STK17B: variants seen among roughly 807,000 people sequenced by gnomAD.
STK17B encodes the protein serine/threonine kinase 17b, also known as serine/threonine-protein kinase 17B.
A neutral mutation model predicts 42.0 loss-of-function variants in STK17B; 21 were observed. The observed-to-expected ratio is 0.50, with a 90% confidence interval of 0.35 to 0.72. STK17B has a LOEUF of 0.72. Among genes scored for constraint, STK17B ranks in the 30% least tolerant of loss-of-function variants. The pLI, the probability that STK17B is intolerant of heterozygous loss-of-function variation, is 0.00. For synonymous variants in STK17B, 143 were observed against 148.4 expected, an observed-to-expected ratio of 0.96 and a Z score of 0.26; for missense variants, 349 against 446.0, an observed-to-expected ratio of 0.78 and a Z score of 1.96.
chr2:196,147,425 G>A (rs916948488), intron 3 of STK17B, among the ~76,000 whole-genome samples: 1 of 151,984 alleles, frequency 6.6e-6, no homozygotes, highest in Admixed American at 6.6e-5. Context: ...ACTGCCAAGA[G>A]GAAAAAATAT....
intron 5 of STK17B, among the ~76,000 whole-genome samples, chr2:196,142,821 G>C (rs181715174): frequency 6.6e-6 from 1 of 152,272 alleles, no homozygotes; most frequent in Non-Finnish European, 1.5e-5. Context: ...CATCTGTTCT[G>C]TTTAACTGTA....
intron 1 of STK17B, among the ~76,000 whole-genome samples, chr2:196,164,036 C>CTTAATAAATAAATAAA (rs368762428): frequency 2.0e-5 from 2 of 101,356 alleles, no homozygotes; most frequent in East Asian, 2.1e-4. Flanking sequence ...GAGATCTTAT[C>CTTAATAAATAAATAAA]TCAATAAATA....
intron 7 of STK17B, among the ~76,000 whole-genome samples, chr2:196,138,968 A>C (rs1699450767): frequency 1.3e-5 from 2 of 151,420 alleles, no homozygotes; most frequent in South Asian, 4.2e-4. Flanking sequence ...AAATTATTTT[A>C]TTTTATTTAT....
upstream of STK17B, among the ~76,000 whole-genome samples, chr2:196,172,051 C>T (rs1245074493): frequency 6.6e-6 from 1 of 152,152 alleles, no homozygotes; most frequent in Non-Finnish European, 1.5e-5. Context: ...TCCTTAGGAC[C>T]GGAACGTACC....
Position 196,159,010 on chromosome 2 carries a change from C to CAAAA in STK17B, c.123-2363_123-2360dup, listed in dbSNP as rs5837492. ...TGGGGGACAGAGCAAGACTGTGTCT[C>CAAAA]AAAAAAAAAAAAAACAAAAAAACAG... On this transcript the variant is annotated intron_variant, in intron 2 of 7. Coordinates refer to ENST00000263955, the MANE Select transcript of STK17B (RefSeq NM_004226.4). Among the ~76,000 whole-genome samples the CAAAA allele has an allele frequency of 1.8e-4, 23 of 127,570 alleles. No homozygotes were observed. In the East Asian group the frequency reaches 3.4e-3, roughly 19 times the overall value. 83.7% of individuals were successfully genotyped at this position (127,570 alleles called of 152,430 possible). A position where few individuals can be genotyped will look rare whatever the true frequency, so the allele number is the denominator to read the frequency against.
chr2:196,140,016 A>C (rs114182724), intron 6 of STK17B, among the ~76,000 whole-genome samples: 222 of 152,336 alleles, frequency 1.5e-3, no homozygotes, highest in African/African-American at 5.1e-3. Context: ...GTGTTATATA[A>C]ATACAATGTA....
rs1699380903 is a variant in STK17B, at chr2:196,135,248, C to T, written c.*2199G>A. The stretch of plus-strand genomic sequence containing the variant: ...ATGGTCTTCAGAAACATAATCATTT[C>T]ATTATCCAATGACTTACTAAACTTT... On this transcript the variant is annotated 3_prime_UTR_variant, in exon 8 of 8. Transcript: ENST00000263955. The T allele has an allele frequency of 6.6e-6, 1 of 152,140 alleles. No homozygotes were observed. Among genetic ancestry groups the T allele is most frequent in the Non-Finnish European group, 1.5e-5 (1 of 68,018 alleles). 9.4% of individuals were successfully genotyped at this position (152,140 alleles called of 1,614,324 possible). A position where few individuals can be genotyped will look rare whatever the true frequency, so the allele number is the denominator to read the frequency against.
At position 196,156,499 on chromosome 2, in the gene STK17B, C is replaced by T. The variant is rs758258757; in HGVS notation, c.275G>A (p.Arg92His). The T allele has an allele frequency of 3.7e-6, 6 of 1,613,996 alleles. No homozygotes were observed. Among genetic ancestry groups the T allele is most frequent in the Non-Finnish European group, 3.4e-6 (4 of 1,179,980 alleles). Residue 92 changes from arginine to histidine, a missense_variant, in exon 3 of 8, where the codon CGT (arginine) becomes CAT (histidine). By Grantham distance (29) the Arg-to-His change is conservative. Transcript: ENST00000263955. Reference sequence around the variant, plus strand: ...ATAGACCTCATGAAGATTAATAACACGGGGACAAGACTTTGCCAATTCAAG... The same window carrying T: ...ATAGACCTCATGAAGATTAATAACATGGGGACAAGACTTTGCCAATTCAAG... Reference protein sequence around the residue: ...AVLELAKSCPRVINLHEVYEN... With the variant: ...AVLELAKSCPHVINLHEVYEN...
At chr2:196,175,945 C>T (rs1699993262), upstream of STK17B, among the ~76,000 whole-genome samples, 1 of 152,196 alleles carries the variant, frequency 6.6e-6, no homozygotes, top group Non-Finnish European at 1.5e-5. Flanking sequence ...TGCAAAAGAT[C>T]ACACACCTAA....
intron 3 of STK17B, among the ~76,000 whole-genome samples, chr2:196,151,817 A>T (rs1699669842): frequency 6.6e-6 from 1 of 152,232 alleles, no homozygotes; most frequent in African/African-American, 2.4e-5. Context: ...GATTTATATT[A>T]CTTTCTGAAG....
rs568253991 is a variant in STK17B, at chr2:196,135,880, T to C, written c.*1567A>G. 3 of 108,508 alleles carry C rather than the reference T, an allele frequency of 2.8e-5. No homozygotes were observed. In the East Asian group the frequency reaches 9.1e-4, roughly 33 times the overall value. The allele number at this position is 108,508 out of a possible 1,614,324, so 6.7% of individuals were successfully genotyped here. A position where few individuals can be genotyped will look rare whatever the true frequency, so the allele number is the denominator to read the frequency against. ...GTGTCTAAAGAATGTATTGTATCTA[T>C]CTATAGATATATACATACACCTGTA... On this transcript the variant is annotated 3_prime_UTR_variant, in exon 8 of 8. Coordinates refer to ENST00000263955, the MANE Select transcript of STK17B (RefSeq NM_004226.4).
intron 2 of STK17B, among the ~76,000 whole-genome samples, chr2:196,162,045 A>G (rs1519601): frequency 0.48 from 72,977 of 152,072 alleles, 20,336 homozygotes; most frequent in South Asian, 0.64. Flanking sequence ...ACCATTTAAC[A>G]TACAACAAAA....
chr2:196,163,216 C>A lies in STK17B; in HGVS notation c.122+46G>T, dbSNP rs751365214. ...TTTATAGAATTATAAAAACACAAAT[C>A]CAAAATTTGAATTTAGATGGCATAC... is the stretch of plus-strand genomic sequence containing the variant. On this transcript the variant is annotated intron_variant, in intron 2 of 7. Transcript: ENST00000263955. 8 of 1,594,784 alleles carry A rather than the reference C, an allele frequency of 5.0e-6. No homozygotes were observed. In the South Asian group the frequency reaches 9.1e-5, roughly 18 times the overall value.
At chr2:196,138,028 C>A (rs1028447836) in intron 7 of STK17B, among the ~76,000 whole-genome samples, 2 of 152,080 alleles carry the variant, frequency 1.3e-5, no homozygotes, top group African/African-American at 2.4e-5. Context: ...AAGTAGGGTA[C>A]CAGGAGGCTT....
At chr2:196,148,612 A>C (rs1263908721) in intron 3 of STK17B, among the ~76,000 whole-genome samples, 2 of 152,180 alleles carry the variant, frequency 1.3e-5, no homozygotes, top group Admixed American at 1.3e-4. Flanking sequence ...ATTATTAGAA[A>C]ACAGTATAAA....
chr2:196,141,326 A>G (rs376123863), intron 5 of STK17B, 29 bp from the exon 6 acceptor site: 5 of 1,553,468 alleles, frequency 3.2e-6, no homozygotes, highest in Non-Finnish European at 4.4e-6. Flanking sequence ...CTTAAATTCA[A>G]TATTGACAAA....
chr2:196,174,422 A>T (rs1699980303), upstream of STK17B: 1 of 152,268 alleles, frequency 6.6e-6, no homozygotes, highest in Non-Finnish European at 1.5e-5. Flanking sequence ...AGATGCAGAA[A>T]AGGAGGGTTT....
chr2:196,160,847 A>C (rs1189545454), intron 2 of STK17B, among the ~76,000 whole-genome samples: 1 of 152,224 alleles, frequency 6.6e-6, no homozygotes, highest in Non-Finnish European at 1.5e-5. Context: ...AATTCTAAAA[A>C]GTATGCCTAA....
chr2:196,144,838 T>G (rs979121115), intron 4 of STK17B, among the ~76,000 whole-genome samples: 1 of 152,134 alleles, frequency 6.6e-6, no homozygotes, highest in African/African-American at 2.4e-5. Context: ...ATTATAACAG[T>G]CGCTTAACTT....
Sources: allele counts gnomAD v4.1 joint callset (sites outside exome capture counted in the v4.1 genomes callset), GRCh38; gene constraint gnomAD v4.1.1; transcripts MANE v1.5; gene names NCBI Gene and HGNC (gene_info 2026-07-23, HGNC 2026-07-21).